The following DYNC2H1 variants were observed in gnomAD, a reference collection of about 807,000 sequenced individuals.
The protein encoded by DYNC2H1 is dynein cytoplasmic 2 heavy chain 1, also known as cytoplasmic dynein 2 heavy chain 1.
Under a neutral mutation model 570.0 loss-of-function variants are expected in DYNC2H1, and 410 were observed. That is an observed-to-expected ratio of 0.72 (90% CI 0.66 to 0.78). The LOEUF (loss-of-function observed/expected upper bound fraction) is 0.78, where lower values mean the gene tolerates loss of function less well. Among genes scored for constraint, DYNC2H1 ranks in the 30% least tolerant of loss-of-function variants. DYNC2H1 has a pLI of 0.00. For missense variants in DYNC2H1, 4,865 were observed against 5,046.4 expected, an observed-to-expected ratio of 0.96 and a Z score of 1.09; for synonymous variants, 1,688 against 1,677.6, an observed-to-expected ratio of 1.01 and a Z score of -0.15.
intron 85 of DYNC2H1, among the ~76,000 whole-genome samples, chr11:103,449,169 A>G (rs1944518356): frequency 6.6e-6 from 1 of 152,202 alleles, no homozygotes; most frequent in African/African-American, 2.4e-5. Context: ...TTTTTTGAGA[A>G]AGGGCGGCAA....
At chr11:103,478,955 C>A in intron 88 of DYNC2H1, 140 bp from the exon 89 acceptor site, 1 of 947,662 alleles carries the variant, frequency 1.1e-6, no homozygotes. Context: ...CATTTTGTTG[C>A]AGGGGGATGA....
At position 103,170,227 on chromosome 11, in the gene DYNC2H1, G is replaced by T. The variant is rs201302396; in HGVS notation, c.5088G>T (p.Thr1696=). ...NPYGPAGTGK[T]ESVKALGGLL... ...ATGGACCAGCTGGAACTGGGAAAAC[G>T]GAATCAGTAAAGGCTTTAGGTGGAC... Residue 1696 remains threonine, a synonymous_variant, in exon 33 of 89, where the codon ACG becomes ACT. Transcript: ENST00000375735. The surrounding 1 kb of genome is among the most constrained non-coding windows in gnomAD (Gnocchi z 4.8). The T allele has an allele frequency of 1.9e-6, 3 of 1,612,080 alleles. No homozygotes were observed. Among genetic ancestry groups the T allele is most frequent in the Non-Finnish European group, 8.5e-7 (1 of 1,179,048 alleles).
chr11:103,436,597 A>G (rs2065474545), intron 85 of DYNC2H1, among the ~76,000 whole-genome samples: 1 of 152,078 alleles, frequency 6.6e-6, no homozygotes, highest in African/African-American at 2.4e-5. Context: ...TAACCACATT[A>G]ACGTCTACTA....
intron 85 of DYNC2H1, 40 bp downstream of exon 85, chr11:103,436,072 G>T: frequency 6.4e-7 from 1 of 1,565,120 alleles, no homozygotes; most frequent in Non-Finnish European, 8.8e-7. Flanking sequence ...GTCTGACTGT[G>T]TGACTATTGT....
chr11:103,109,523 T>G lies in DYNC2H1; in HGVS notation c.-52T>G. On this transcript the variant is annotated 5_prime_UTR_variant, in exon 1 of 89. Transcript: ENST00000375735. The stretch of plus-strand genomic sequence containing the variant: ...CTCTTCCCTTCACTTCCCTCCGGAC[T>G]GGTTTCTTCTTCCTTCCCCCTTCCC... 1 of 1,539,480 alleles carries G rather than the reference T, an allele frequency of 6.5e-7. No individual in the cohort carries two copies. The highest frequency in any genetic ancestry group is 1.2e-5 in the South Asian group (1 of 85,484).
At chr11:103,154,836 T>C in intron 24 of DYNC2H1, 27 bp downstream of exon 24, 1 of 1,491,668 alleles carries the variant, frequency 6.7e-7, no homozygotes, top group South Asian at 1.3e-5. Context: ...ATTTTGCCAA[T>C]TAAAAACAAT....
intron 13 of DYNC2H1, among the ~76,000 whole-genome samples, chr11:103,132,988 T>A (rs1458301244): frequency 6.6e-6 from 1 of 152,110 alleles, no homozygotes; most frequent in African/African-American, 2.4e-5. Context: ...TCAGGGGGAT[T>A]GGAACACTGC....
intron 85 of DYNC2H1, among the ~76,000 whole-genome samples, chr11:103,445,572 A>G (rs185291557): frequency 2.0e-5 from 3 of 152,164 alleles, no homozygotes; most frequent in African/African-American, 7.2e-5. Flanking sequence ...CTTCTTAAAG[A>G]AGTGGTCATA....
At chr11:103,131,858 A>G (rs1476425086) in intron 13 of DYNC2H1, among the ~76,000 whole-genome samples, 2 of 152,164 alleles carry the variant, frequency 1.3e-5, no homozygotes, top group African/African-American at 4.8e-5. Flanking sequence ...AAGATTTCAA[A>G]GAATCTTTGT....
chr11:103,308,307 G>C (rs570320960), intron 78 of DYNC2H1, among the ~76,000 whole-genome samples: 334 of 152,192 alleles, frequency 2.2e-3, no homozygotes, highest in Non-Finnish European at 4.0e-3. Context: ...TGTCCTCAAG[G>C]TTCATCCATG....
At chr11:103,359,550 T>C in intron 83 of DYNC2H1, among the ~76,000 whole-genome samples, 1 of 152,278 alleles carries the variant, frequency 6.6e-6, no homozygotes, top group South Asian at 2.1e-4. Flanking sequence ...AAGAAGACTA[T>C]ACGAATGACT....
intron 85 of DYNC2H1, among the ~76,000 whole-genome samples, chr11:103,449,570 G>A (rs509282): frequency 0.36 from 54,156 of 151,964 alleles, 10,238 homozygotes; most frequent in African/African-American, 0.48. Context: ...TAATCAATAA[G>A]CCAAGAGTGT....
rs1866968070 is a variant in DYNC2H1 at position 103,299,642 on chromosome 11, C to T, written c.11096-3451C>T. Among the ~76,000 whole-genome samples, 1 of 152,120 alleles carries T rather than the reference C, an allele frequency of 6.6e-6. No homozygotes were observed. Among genetic ancestry groups the T allele is most frequent in the African/African-American group, 2.4e-5 (1 of 41,438 alleles). Reference sequence around the variant, plus strand: ...TCACTCCTGTTTCTCTTTTCTGCTACACTTCTTTGACTCTAACAAGAGAAA... The same window carrying T: ...TCACTCCTGTTTCTCTTTTCTGCTATACTTCTTTGACTCTAACAAGAGAAA... On this transcript the variant is annotated intron_variant, in intron 75 of 88. Coordinates refer to ENST00000375735, the MANE Select transcript of DYNC2H1 (RefSeq NM_001377.3). The surrounding 1 kb of genome is among the most constrained non-coding windows in gnomAD (Gnocchi z 4.5).
rs1862886773 is a variant in DYNC2H1 at position 103,205,355 on chromosome 11, A to G, written c.8454+391A>G. Among the ~76,000 whole-genome samples, 2 of 152,214 alleles carry G rather than the reference A, an allele frequency of 1.3e-5. No homozygotes were observed. Among genetic ancestry groups the G allele is most frequent in the South Asian group, 2.1e-4 (1 of 4,826 alleles). ...GGGGGATGAGTTAAATTGTGAACTC[A>G]TAACACTATCTTAACTGGAAGCCTC... On this transcript the variant is annotated intron_variant, in intron 52 of 88. Coordinates refer to ENST00000375735, the MANE Select transcript of DYNC2H1 (RefSeq NM_001377.3). This position sits in a 1 kb window ranked among gnomAD's most constrained non-coding sequence, Gnocchi z 4.5.
intron 70 of DYNC2H1, among the ~76,000 whole-genome samples, chr11:103,263,039 A>AAAAAAAAAAAAC (rs1865370627): frequency 7.0e-6 from 1 of 142,812 alleles, no homozygotes; most frequent in African/African-American, 3.0e-5. Flanking sequence ...AAAAAAAAAA[A>AAAAAAAAAAAAC]AAAAAAAGCA....
chr11:103,168,096 G>C (rs910556745), intron 31 of DYNC2H1, among the ~76,000 whole-genome samples: 1 of 152,252 alleles, frequency 6.6e-6, no homozygotes, highest in African/African-American at 2.4e-5. Flanking sequence ...GAAAGCTGGG[G>C]TTCATGTACT....
At chr11:103,357,803 A>G (rs954683180) in intron 82 of DYNC2H1, among the ~76,000 whole-genome samples, 5 of 151,886 alleles carry the variant, frequency 3.3e-5, no homozygotes, top group Admixed American at 6.6e-5. Context: ...AAATAAAATT[A>G]GCTGGGCATG....
chr11:103,229,771 G>T (rs186372170), intron 59 of DYNC2H1, among the ~76,000 whole-genome samples: 111 of 152,122 alleles, frequency 7.3e-4, no homozygotes, highest in African/African-American at 2.7e-3. Flanking sequence ...CATCTTCCAT[G>T]GTAGAAAGAG....
intron 78 of DYNC2H1, among the ~76,000 whole-genome samples, chr11:103,308,792 G>A (rs772251798): frequency 2.6e-5 from 4 of 151,950 alleles, no homozygotes; most frequent in Non-Finnish European, 5.9e-5. Flanking sequence ...TATCTTATTC[G>A]GAGAAATGTC....
Sources: allele counts gnomAD v4.1 joint callset (sites outside exome capture counted in the v4.1 genomes callset), GRCh38; gene constraint gnomAD v4.1.1; non-coding constraint Gnocchi (gnomAD v3.1); transcripts MANE v1.5; gene names NCBI Gene and HGNC (gene_info 2026-07-23, HGNC 2026-07-21).